KIFAP3: variants seen among roughly 807,000 people sequenced by gnomAD.
KIFAP3 encodes kinesin-associated protein 3.
A neutral mutation model predicts 106.5 loss-of-function variants in KIFAP3; 68 were observed. That is an observed-to-expected ratio of 0.64 (90% CI 0.53 to 0.78). KIFAP3 has a LOEUF of 0.78. Ranked by LOEUF, KIFAP3 falls within the 30% of genes least tolerant of loss-of-function variation. KIFAP3 has a pLI of 0.00. For missense variants in KIFAP3, 780 were observed against 941.8 expected (o/e 0.83, Z 2.25); for synonymous variants, 320 against 311.5 (o/e 1.03, Z -0.29).
At chr1:169,993,680 CACTG>C (rs1667223646) in intron 10 of KIFAP3, among the ~76,000 whole-genome samples, 1 of 28 alleles carries the variant, frequency 0.036, no homozygotes, top group Non-Finnish European at 0.1. Context: ...CAGATTGTGC[CACTG>C]AACGCCAGCC....
intron 19 of KIFAP3, among the ~76,000 whole-genome samples, chr1:169,942,910 G>GCCCCCCCCC (rs11396543): frequency 1.9e-5 from 2 of 105,806 alleles, no homozygotes; most frequent in Non-Finnish European, 3.8e-5. Flanking sequence ...TTTTAAAGAC[G>GCCCCCCCCC]CCCCCCCCCA....
At position 170,039,997 on chromosome 1, in the gene KIFAP3, A is replaced by G. The variant is rs141268098; in HGVS notation, c.320-709T>C. Among the ~76,000 whole-genome samples the G allele has an allele frequency of 2.9e-3, 447 of 152,250 alleles. 1 individual carries two copies. The Middle Eastern group carries it at 0.044, about 15-fold the overall frequency. On this transcript the variant is annotated intron_variant, in intron 3 of 19. Transcript: ENST00000361580. The stretch of plus-strand genomic sequence containing the variant: ...TCTGGATCATAAGTCTAAGTAATGT[A>G]TGTAAATTAAAGTAAGTTAGAATGT...
chr1:170,065,320 A>G (rs1192768512), intron 1 of KIFAP3, among the ~76,000 whole-genome samples: 1 of 152,094 alleles, frequency 6.6e-6, no homozygotes, highest in Non-Finnish European at 1.5e-5. Flanking sequence ...TCTTTATAAA[A>G]GAAATATTGG....
intron 6 of KIFAP3, 38 bp from the exon 7 acceptor site, chr1:170,034,534 A>G: frequency 8.7e-7 from 1 of 1,153,120 alleles, no homozygotes; most frequent in South Asian, 1.6e-5. Flanking sequence ...TTAAAAGAAT[A>G]CATTTTATGG....
intron 2 of KIFAP3, among the ~76,000 whole-genome samples, chr1:170,048,829 T>C (rs1359118494): frequency 6.6e-6 from 1 of 152,064 alleles, no homozygotes; most frequent in African/African-American, 2.4e-5. Context: ...GTTTTTGCAG[T>C]CCGCAGATCA....
intron 16 of KIFAP3, among the ~76,000 whole-genome samples, chr1:169,973,944 C>T (rs574743852): frequency 1.5e-4 from 23 of 151,288 alleles, no homozygotes; most frequent in Admixed American, 4.6e-4. Flanking sequence ...ATTTAAAAAC[C>T]AATAATTAAA....
chr1:170,041,692 C>A (rs1166839488), intron 3 of KIFAP3: 2 of 1,534,956 alleles, frequency 1.3e-6, no homozygotes, highest in Non-Finnish European at 1.7e-6. Flanking sequence ...CATAAGCTTG[C>A]TTGGAGTACA....
chr1:170,069,662 C>T (rs929154329), intron 1 of KIFAP3, among the ~76,000 whole-genome samples: 3 of 151,846 alleles, frequency 2.0e-5, no homozygotes, highest in Admixed American at 6.6e-5. Context: ...AAGAAAAGTC[C>T]CTTAACATAA....
chr1:170,031,327 A>G lies in KIFAP3; in HGVS notation c.841+559T>C, dbSNP rs986002361. On this transcript the variant is annotated intron_variant, in intron 8 of 19. Transcript: ENST00000361580. ...CCATGTACAAAGTTAGTCAAACACC[A>G]ATAAACTACATGAATCATCAAATAG... Among the ~76,000 whole-genome samples, 21 of 151,732 alleles carry G rather than the reference A, an allele frequency of 1.4e-4. 1 individual carries two copies. The highest frequency in any genetic ancestry group is 3.0e-4 in the Non-Finnish European group (20 of 67,660).
chr1:169,922,742 T>C (rs1483715635), intron 19 of KIFAP3, among the ~76,000 whole-genome samples: 1 of 152,212 alleles, frequency 6.6e-6, no homozygotes, highest in Admixed American at 6.5e-5. Flanking sequence ...TGGACACCAT[T>C]TGTAATGCAG....
intron 2 of KIFAP3, among the ~76,000 whole-genome samples, chr1:170,050,096 T>C (rs147643519): frequency 0.063 from 9,593 of 152,098 alleles, 390 homozygotes; most frequent in Non-Finnish European, 0.095. Flanking sequence ...AGAACCTTGA[T>C]AAAAGGTTAC....
chr1:170,046,799 A>T lies in KIFAP3; in HGVS notation c.232T>A (p.Cys78Ser). 1 of 1,611,614 alleles carries T rather than the reference A, an allele frequency of 6.2e-7. No individual in the cohort carries two copies. The stretch of plus-strand genomic sequence containing the variant: ...AGTTTTGAAGGATGAATGAGTTTAC[A>T]TTCTTCAACCACCTTCCTTGCCAGG... ...TSLARKVVEE[C>S]KLIHPSKLNE... The change falls in exon 3 of 20, where the codon TGT becomes AGT. Residue 78 changes from cysteine to serine, a missense_variant. Cys to Ser is a moderately radical substitution (Grantham distance 112). This residue lies in a region of KIFAP3 where 588 missense variants were observed against 678.9 expected (regional missense o/e 0.87). Coordinates refer to ENST00000361580, the MANE Select transcript of KIFAP3 (RefSeq NM_014970.4).
chr1:169,981,942 T>C, intron 15 of KIFAP3, 30 bp downstream of exon 15: 1 of 1,556,918 alleles, frequency 6.4e-7, no homozygotes, highest in Non-Finnish European at 8.8e-7. Flanking sequence ...TGTTTAGACA[T>C]TAACATAAAA....
intron 3 of KIFAP3, among the ~76,000 whole-genome samples, chr1:170,045,584 T>A (rs1296140268): frequency 1.3e-5 from 2 of 152,222 alleles, no homozygotes; most frequent in Non-Finnish European, 2.9e-5. Context: ...ATACTAGAGA[T>A]AAAAATTTTG....
chr1:170,066,105 CT>C (rs148665698), intron 1 of KIFAP3, among the ~76,000 whole-genome samples: 2,663 of 144,874 alleles, frequency 0.018, 73 homozygotes, highest in African/African-American at 0.063. Flanking sequence ...TTTTAGTTAC[CT>C]TTTTTTTTTC....
Position 170,055,380 on chromosome 1 carries a change from T to C in KIFAP3, c.89A>G (p.His30Arg). 1 of 1,610,552 alleles carries C rather than the reference T, an allele frequency of 6.2e-7. No individual in the cohort carries two copies. The highest frequency in any genetic ancestry group is 8.5e-7 in the Non-Finnish European group (1 of 1,178,154). The change falls in exon 2 of 20, where the codon CAC (histidine) becomes CGC (arginine). Residue 30 changes from histidine to arginine, a missense_variant. By Grantham distance (29) the His-to-Arg change is conservative (BLOSUM62 0). Coordinates refer to ENST00000361580, the MANE Select transcript of KIFAP3 (RefSeq NM_014970.4). Reference protein sequence around the residue: ...VHPSEKALIVHYEVEATILGE... With the variant: ...VHPSEKALIVRYEVEATILGE... ...AAGAATGGTAGCTTCCACTTCATAG[T>C]GAACAATGAGTGCTTTTTCTGATGG...
At chr1:170,044,526 A>G (rs1490056297) in intron 3 of KIFAP3, among the ~76,000 whole-genome samples, 1 of 152,226 alleles carries the variant, frequency 6.6e-6, no homozygotes, top group African/African-American at 2.4e-5. Context: ...AACTGAAGAC[A>G]TTCTATGATG....
At chr1:169,927,476 T>A (rs1379443093) in intron 19 of KIFAP3, among the ~76,000 whole-genome samples, 2 of 152,234 alleles carry the variant, frequency 1.3e-5, no homozygotes, top group Non-Finnish European at 2.9e-5. Flanking sequence ...AAAGTCTTCA[T>A]ACAAAATACT....
intron 5 of KIFAP3, among the ~76,000 whole-genome samples, chr1:170,036,129 G>T (rs1275057375): frequency 6.6e-6 from 1 of 151,898 alleles, no homozygotes; most frequent in Non-Finnish European, 1.5e-5. Context: ...TTAACTTTCA[G>T]GTAGGTTAAT....
Sources: allele counts gnomAD v4.1 joint callset (sites outside exome capture counted in the v4.1 genomes callset), GRCh38; gene constraint gnomAD v4.1.1; regional missense constraint gnomAD v4.1.1; transcripts MANE v1.5; gene names NCBI Gene and HGNC (gene_info 2026-07-23, HGNC 2026-07-21).